MCPH1: variants seen among roughly 807,000 people sequenced by gnomAD.
The protein encoded by MCPH1 is microcephalin.
Under a neutral mutation model 84.5 loss-of-function variants are expected in MCPH1, and 104 were observed. The observed-to-expected ratio is 1.23, with a 90% confidence interval of 1.05 to 1.45. MCPH1 has a LOEUF of 1.45. Ranked by LOEUF, MCPH1 falls within the 40% of genes most tolerant of loss-of-function variation. The pLI is 0.00. For missense variants in MCPH1, 1,498 were observed against 1,005.7 expected (o/e 1.49, Z -6.62); for synonymous variants, 514 against 366.8 (o/e 1.40, Z -4.58).
intron 12 of MCPH1, among the ~76,000 whole-genome samples, chr8:6,549,872 T>C (rs967369835): frequency 3.7e-4 from 57 of 152,212 alleles, no homozygotes; most frequent in African/African-American, 1.3e-3. Flanking sequence ...GTGTAAGTTA[T>C]ATCTAAAAAA....
intron 12 of MCPH1, among the ~76,000 whole-genome samples, chr8:6,550,908 CAGCCCAAGG>C (rs1291921824): frequency 6.6e-6 from 1 of 152,212 alleles, no homozygotes; most frequent in Non-Finnish European, 1.5e-5. Context: ...TTCACAATTA[CAGCCCAAGG>C]AGCCCAAGGG....
At chr8:6,488,873 G>A (rs1428614728) in intron 11 of MCPH1, among the ~76,000 whole-genome samples, 2 of 152,112 alleles carry the variant, frequency 1.3e-5, no homozygotes, top group South Asian at 2.1e-4. Flanking sequence ...AATGACTGCG[G>A]CTGTGTCTAG....
intron 11 of MCPH1, among the ~76,000 whole-genome samples, chr8:6,497,297 A>C (rs901455056): frequency 1.3e-5 from 2 of 151,410 alleles, no homozygotes; most frequent in Admixed American, 1.3e-4. Flanking sequence ...CCTGACCAAC[A>C]CTGTGAAACC....
chr8:6,607,544 G>A (rs536527152), intron 12 of MCPH1, among the ~76,000 whole-genome samples: 16 of 152,204 alleles, frequency 1.1e-4, no homozygotes, highest in Non-Finnish European at 1.8e-4. Context: ...CTTCCCTACT[G>A]ATATGGTTTG....
chr8:6,627,657 G>A (rs57584984), intron 13 of MCPH1, among the ~76,000 whole-genome samples: 2,183 of 152,276 alleles, frequency 0.014, 68 homozygotes, highest in African/African-American at 0.05. Flanking sequence ...TTAGGAGGCC[G>A]AGGCGGGTGG....
intron 4 of MCPH1, among the ~76,000 whole-genome samples, chr8:6,434,266 C>A (rs1802315151): frequency 6.6e-6 from 1 of 152,182 alleles, no homozygotes; most frequent in South Asian, 2.1e-4. Context: ...CCAGGAAGCG[C>A]AAGATGGAGT....
At chr8:6,580,852 G>T (rs1022233598) in intron 12 of MCPH1, among the ~76,000 whole-genome samples, 1 of 152,158 alleles carries the variant, frequency 6.6e-6, no homozygotes, top group African/African-American at 2.4e-5. Flanking sequence ...TAACATTTTT[G>T]TACATTAAAC....
At chr8:6,544,051 A>C (rs1489225868) in intron 12 of MCPH1, among the ~76,000 whole-genome samples, 1 of 152,256 alleles carries the variant, frequency 6.6e-6, no homozygotes, top group African/African-American at 2.4e-5. Context: ...ATGGAGCAAA[A>C]GCAAAACAAT....
At chr8:6,558,452 T>C (rs937264625) in intron 12 of MCPH1, among the ~76,000 whole-genome samples, 1 of 152,216 alleles carries the variant, frequency 6.6e-6, no homozygotes, top group African/African-American at 2.4e-5. Flanking sequence ...TCAATTATTT[T>C]ATGGATTAAA....
At chr8:6,419,447 C>T (rs1358865874) in intron 3 of MCPH1, among the ~76,000 whole-genome samples, 2 of 151,522 alleles carry the variant, frequency 1.3e-5, no homozygotes, top group Non-Finnish European at 2.9e-5. Flanking sequence ...TGGCCTAGTG[C>T]AGTGGCGCAA....
intron 9 of MCPH1, among the ~76,000 whole-genome samples, chr8:6,461,271 A>T (rs74951487): frequency 6.9e-6 from 1 of 145,562 alleles, no homozygotes; most frequent in Non-Finnish European, 1.5e-5. Flanking sequence ...TCAGAAAAAG[A>T]GTCTGTTTTT....
chr8:6,624,717 C>A (rs939394071), intron 13 of MCPH1, among the ~76,000 whole-genome samples: 1 of 152,148 alleles, frequency 6.6e-6, no homozygotes, highest in Non-Finnish European at 1.5e-5. Context: ...GAATTCCAAT[C>A]TGGTAGCTGC....
chr8:6,426,763 G>C (rs1394864851), intron 3 of MCPH1, among the ~76,000 whole-genome samples: 2 of 151,970 alleles, frequency 1.3e-5, no homozygotes, highest in African/African-American at 4.8e-5. Context: ...TTCACCAATA[G>C]TTGAAATTTA....
chr8:6,559,984 G>A (rs77123578), intron 12 of MCPH1, among the ~76,000 whole-genome samples: 246 of 152,336 alleles, frequency 1.6e-3, no homozygotes, highest in Non-Finnish European at 2.7e-3. Flanking sequence ...TAAAGGGGCA[G>A]CGTGGGACCT....
intron 12 of MCPH1, among the ~76,000 whole-genome samples, chr8:6,603,234 CATT>C (rs1311086171): frequency 1.3e-5 from 2 of 152,056 alleles, no homozygotes; most frequent in South Asian, 2.1e-4. Context: ...TTCATAGTCC[CATT>C]AACATGAATA....
intron 5 of MCPH1, 147 bp from the exon 6 acceptor site, chr8:6,438,806 G>A (rs531034315): frequency 2.2e-5 from 15 of 684,804 alleles, no homozygotes; most frequent in African/African-American, 2.1e-4. Context: ...TGGAGGTGGT[G>A]GAGGTAGAAT....
At position 6,412,674 on chromosome 8, in the gene MCPH1, G is replaced by C. The variant is rs146114329; in HGVS notation, c.115-2091G>C. Among the ~76,000 whole-genome samples, 89 of 152,260 alleles carry C rather than the reference G, an allele frequency of 5.8e-4. 2 individuals carry two copies. In the East Asian group the frequency reaches 6.8e-3, roughly 12 times the overall value. On this transcript the variant is annotated intron_variant, in intron 2 of 13. Coordinates refer to ENST00000344683, the MANE Select transcript of MCPH1 (RefSeq NM_024596.5). ...CTTCTCAATTTTCGTCCTGTTTAGT[G>C]TGTACTAAATTTGATAAAAGCCTTG... is the stretch of plus-strand genomic sequence containing the variant.
At chr8:6,409,587 A>G (rs1489640264) in intron 2 of MCPH1, among the ~76,000 whole-genome samples, 1 of 152,160 alleles carries the variant, frequency 6.6e-6, no homozygotes, top group Admixed American at 6.5e-5. Flanking sequence ...GGAACCTAGG[A>G]TGAAATGCTG....
chr8:6,524,783 A>G (rs1047739562), intron 12 of MCPH1, among the ~76,000 whole-genome samples: 1 of 152,354 alleles, frequency 6.6e-6, no homozygotes, highest in African/African-American at 2.4e-5. Context: ...AGGTCTGTAA[A>G]TAGAAGTTAT....
Sources: allele counts gnomAD v4.1 joint callset (sites outside exome capture counted in the v4.1 genomes callset), GRCh38; gene constraint gnomAD v4.1.1; transcripts MANE v1.5; gene names NCBI Gene and HGNC (gene_info 2026-07-23, HGNC 2026-07-21).